The following NEK4 variants were observed in gnomAD, a reference collection of about 807,000 sequenced individuals.
NEK4 encodes NIMA related kinase 4, also known as serine/threonine-protein kinase Nek4.
NEK4 carries 86 observed loss-of-function variants against 98.4 expected under a neutral mutation model. The ratio of observed to expected loss-of-function variants is 0.87; its 90% CI spans 0.73 to 1.05. The LOEUF is 1.05. Ranked by LOEUF, NEK4 falls within the 50% of genes least tolerant of loss-of-function variation. The pLI is 0.00. For synonymous variants in NEK4, 328 were observed against 342.2 expected (o/e 0.96, Z 0.46); for missense variants, 898 against 950.3 (o/e 0.94, Z 0.72).
chr3:52,732,193 A>T (rs946818258), intron 15 of NEK4, among the ~76,000 whole-genome samples: 1 of 151,726 alleles, frequency 6.6e-6, no homozygotes, highest in Admixed American at 6.6e-5. Context: ...TCACAGATTG[A>T]TTTCTTTTTT....
intron 10 of NEK4, among the ~76,000 whole-genome samples, chr3:52,744,860 T>C (rs2097393272): frequency 6.6e-6 from 1 of 151,398 alleles, no homozygotes; most frequent in Non-Finnish European, 1.5e-5. Flanking sequence ...TTCTGGGAGG[T>C]GCTCATTTTT....
intron 15 of NEK4, among the ~76,000 whole-genome samples, chr3:52,719,821 T>C (rs2097358529): frequency 6.6e-6 from 1 of 152,028 alleles, no homozygotes; most frequent in Admixed American, 6.6e-5. Flanking sequence ...ACAGCATACT[T>C]ACACTGGCAG....
At chr3:52,715,938 T>G (rs1180169876) in intron 15 of NEK4, among the ~76,000 whole-genome samples, 2 of 141,290 alleles carry the variant, frequency 1.4e-5, no homozygotes, top group African/African-American at 6.4e-5. Context: ...GACTTCCTCT[T>G]TGGGGCACTG....
At chr3:52,728,562 T>C (rs2097366645) in intron 15 of NEK4, among the ~76,000 whole-genome samples, 2 of 152,204 alleles carry the variant, frequency 1.3e-5, no homozygotes, top group African/African-American at 4.8e-5. Flanking sequence ...CTGTACAAAT[T>C]GATTGTAAAA....
intron 5 of NEK4, 91 bp from the exon 6 acceptor site, chr3:52,761,027 T>A (rs1698337345): frequency 1.2e-6 from 1 of 805,038 alleles, no homozygotes; most frequent in Admixed American, 2.5e-5. Flanking sequence ...TACAATGAAT[T>A]CCCTTACAGA....
At chr3:52,736,946 A>T (rs191407965) in intron 15 of NEK4, among the ~76,000 whole-genome samples, 106 of 151,984 alleles carry the variant, frequency 7.0e-4, no homozygotes, top group African/African-American at 2.3e-3. Context: ...AATAGAGTTT[A>T]TTTTTTTTGA....
At chr3:52,770,191 T>C (rs894332241) in intron 1 of NEK4, among the ~76,000 whole-genome samples, 1 of 151,594 alleles carries the variant, frequency 6.6e-6, no homozygotes, top group African/African-American at 2.4e-5. Flanking sequence ...GGGAAGAAAA[T>C]GAGTCGAGTT....
chr3:52,766,464 G>C, intron 2 of NEK4, 89 bp from the exon 3 acceptor site: 2 of 916,250 alleles, frequency 2.2e-6, no homozygotes, highest in Non-Finnish European at 3.4e-6. Flanking sequence ...GCAATGGCAT[G>C]AGTTAGAGTC....
intron 1 of NEK4, among the ~76,000 whole-genome samples, chr3:52,769,041 G>A (rs1698686125): frequency 6.6e-6 from 1 of 152,024 alleles, no homozygotes; most frequent in Non-Finnish European, 1.5e-5. Context: ...TCAACATGGT[G>A]AAACCTGTCT....
chr3:52,746,220 T>A lies in NEK4; in HGVS notation c.1678-10A>T. 1 of 1,612,784 alleles carries A rather than the reference T, an allele frequency of 6.2e-7. No homozygotes were observed. Among genetic ancestry groups the A allele is most frequent in the Non-Finnish European group, 8.5e-7 (1 of 1,179,284 alleles). ...GAGGCGACTCTTGGAACTTAAATAA[T>A]TAAAAAAGAAGATTATCAGTTTCAT... On this transcript the variant is annotated splice_polypyrimidine_tract_variant and intron_variant, in intron 9 of 15. Coordinates refer to ENST00000233027, the MANE Select transcript of NEK4 (RefSeq NM_003157.6).
rs971782318 is a variant in NEK4 at position 52,739,710 on chromosome 3, G to A, written c.2094-76C>T. The stretch of plus-strand genomic sequence containing the variant: ...TTCATTAAAAAATTACGTGCAAAAC[G>A]ACCTTTCGGGAATTATCCTTTGAAA... On this transcript the variant is annotated intron_variant, in intron 13 of 15. Transcript: ENST00000233027. 26 of 1,248,572 alleles carry A rather than the reference G, an allele frequency of 2.1e-5. No homozygotes were observed. In the African/African-American group the frequency reaches 2.2e-4, roughly 11 times the overall value. 77.3% of individuals were successfully genotyped at this position (1,248,572 alleles called of 1,614,324 possible). A position where few individuals can be genotyped will look rare whatever the true frequency, so the allele number is the denominator to read the frequency against.
In NEK4 at chr3:52,734,452, C is replaced by CAAAAAAAA. The variant is rs76013023; in HGVS notation, c.2433+3126_2433+3133dup. 1.0e-3 allele frequency among the ~76,000 whole-genome samples: 104 copies of CAAAAAAAA among 100,530 alleles called. 1 individual carries two copies. Among genetic ancestry groups the CAAAAAAAA allele is most frequent in the Admixed American group, 3.8e-3 (33 of 8,728 alleles). 66.0% of individuals were successfully genotyped at this position (100,530 alleles called of 152,430 possible). On this transcript the variant is annotated intron_variant, in intron 15 of 15. Coordinates refer to ENST00000233027, the MANE Select transcript of NEK4 (RefSeq NM_003157.6). Reference sequence around the variant, plus strand: ...TAGGTAACAGAGTGAGACTCCAACTCAAAAAAAAAAAAAAGATCGAGACCA... The same window carrying CAAAAAAAA: ...TAGGTAACAGAGTGAGACTCCAACTCAAAAAAAAAAAAAAAAAAAAAAGATCGAGACCA...
intron 15 of NEK4, among the ~76,000 whole-genome samples, chr3:52,721,542 A>G (rs969089266): frequency 5.3e-5 from 8 of 152,054 alleles, no homozygotes; most frequent in Admixed American, 5.2e-4. Flanking sequence ...CGCCTGGGCA[A>G]CATAGGGAGA....
Position 52,760,821 on chromosome 3 carries a change from AAG to A in NEK4, c.935_936del (p.Ser312PhefsTer2). 6.2e-7 allele frequency: 1 copy of A among 1,610,392 alleles called. No homozygotes were observed. The highest frequency in any genetic ancestry group is 1.1e-5 in the South Asian group (1 of 90,614). On this transcript the variant is annotated frameshift_variant, in exon 6 of 16. Coordinates refer to ENST00000233027, the MANE Select transcript of NEK4 (RefSeq NM_003157.6). LOFTEE classifies it high-confidence loss of function. ...NHEVIHPQPL[S>X]SEGSQTYIMG... ...ATTATATATGTCTGGGAGCCCTCAGAAGAGAGTGGTTGGGGGTGGATTACTTC... is the reference window on the plus strand; with the variant it reads ...ATTATATATGTCTGGGAGCCCTCAGAAGAGTGGTTGGGGGTGGATTACTTC...
In NEK4 at chr3:52,752,122, G is replaced by C. The variant is rs754764185; in HGVS notation, c.1178C>G (p.Ala393Gly). The change falls in exon 7 of 16, where the codon GCC becomes GGC. Residue 393 changes from alanine to glycine, a missense_variant. Physicochemically the swap from Ala to Gly is moderately conservative, Grantham distance 60 (BLOSUM62 0). Coordinates refer to ENST00000233027, the MANE Select transcript of NEK4 (RefSeq NM_003157.6). ...VQENQPRYLD[A>G]SNELGGICSI... is the part of the protein sequence containing the mutation. ...GCATATACCTCCTAACTCATTAGAG[G>C]CATCCAAATATCTTGGCTGATTCTC... 6.2e-7 allele frequency: 1 copy of C among 1,614,142 alleles called. No individual in the cohort carries two copies. Among genetic ancestry groups the C allele is most frequent in the East Asian group, 2.2e-5 (1 of 44,884 alleles).
chr3:52,752,968 A>C (rs1021077191), intron 6 of NEK4, among the ~76,000 whole-genome samples: 12 of 145,638 alleles, frequency 8.2e-5, no homozygotes, highest in Non-Finnish European at 1.2e-4. Context: ...GAATATTTCT[A>C]ATCTATAAAA....
chr3:52,712,390 G>A (rs995498799), intron 15 of NEK4, among the ~76,000 whole-genome samples: 1 of 152,216 alleles, frequency 6.6e-6, no homozygotes, highest in Non-Finnish European at 1.5e-5. Flanking sequence ...CAGGCTGTGG[G>A]GCTCTGACCC....
At chr3:52,738,857 C>T (rs1265457702) in intron 14 of NEK4, among the ~76,000 whole-genome samples, 1 of 152,066 alleles carries the variant, frequency 6.6e-6, no homozygotes, top group Non-Finnish European at 1.5e-5. Context: ...ATCTCTTAAA[C>T]CTAAAAAACA....
In NEK4 at chr3:52,770,672, G is replaced by A. The variant is rs780576006; in HGVS notation, c.75C>T (p.His25=). Residue 25 remains histidine, a synonymous_variant, in exon 1 of 16, where the codon CAC becomes CAT. Coordinates refer to ENST00000233027, the MANE Select transcript of NEK4 (RefSeq NM_003157.6). Reference sequence around the variant, plus strand: ...TGCAGACCTGCTTGCCGTCCCGCCGGTGCTTCACAAGCGTCACCTCTCCAT... The same window carrying A: ...TGCAGACCTGCTTGCCGTCCCGCCGATGCTTCACAAGCGTCACCTCTCCAT... ...GSYGEVTLVK[H]RRDGKQYVIK... 2.4e-5 allele frequency: 37 copies of A among 1,565,586 alleles called. No individual in the cohort carries two copies. The South Asian group carries it at 4.1e-4, about 17-fold the overall frequency.
Sources: gnomAD v4.1 joint callset for allele counts (sites outside exome capture counted in the v4.1 genomes callset) on GRCh38, gnomAD v4.1.1 for gene constraint, MANE v1.5 for transcripts, NCBI Gene and HGNC (gene_info 2026-07-23, HGNC 2026-07-21) for gene names.